MIPOL1: variants seen among roughly 807,000 people sequenced by gnomAD.
MIPOL1 encodes mirror-image polydactyly 1, also known as mirror-image polydactyly gene 1 protein.
In MIPOL1, 57 loss-of-function variants were observed where a neutral mutation model predicts 60.9. The ratio of observed to expected loss-of-function variants is 0.94; its 90% CI spans 0.76 to 1.17. MIPOL1 has a LOEUF of 1.17. Ranked by LOEUF, MIPOL1 falls within the 50% of genes most tolerant of loss-of-function variation. The pLI, the probability that MIPOL1 is intolerant of heterozygous loss-of-function variation, is 0.00. For missense variants in MIPOL1, 551 were observed against 511.6 expected, an observed-to-expected ratio of 1.08 and a Z score of -0.74; for synonymous variants, 179 against 168.8, an observed-to-expected ratio of 1.06 and a Z score of -0.47.
intron 10 of MIPOL1, among the ~76,000 whole-genome samples, chr14:37,386,881 A>G (rs984732834): frequency 6.6e-6 from 1 of 151,992 alleles, no homozygotes; most frequent in African/African-American, 2.4e-5. Flanking sequence ...GGCTACACAT[A>G]TATCTGTGTT....
At chr14:37,535,971 C>T (rs1653786558) in intron 12 of MIPOL1, among the ~76,000 whole-genome samples, 2 of 152,008 alleles carry the variant, frequency 1.3e-5, no homozygotes, top group Admixed American at 6.6e-5. Flanking sequence ...GTGGGACAGT[C>T]TCAGCTGACT....
At chr14:37,331,983 C>A (rs928486124) in intron 9 of MIPOL1, among the ~76,000 whole-genome samples, 2 of 151,992 alleles carry the variant, frequency 1.3e-5, no homozygotes, top group Admixed American at 1.3e-4. Flanking sequence ...ACTAAAAATA[C>A]AAAAATTAGC....
At position 37,462,969 on chromosome 14, in the gene MIPOL1, A is replaced by C. The variant is rs188417417; in HGVS notation, c.1032-36939A>C. Among the ~76,000 whole-genome samples, 238 of 152,290 alleles carry C rather than the reference A, an allele frequency of 1.6e-3. 1 individual carries two copies. The highest frequency in any genetic ancestry group is 3.4e-3 in the Middle Eastern group (1 of 294). Reference sequence around the variant, plus strand: ...GTTACCTTATTCCAAAGTCACTTCCACATTTTCGGGTATCTTTTCAGCAAT... The same window carrying C: ...GTTACCTTATTCCAAAGTCACTTCCCCATTTTCGGGTATCTTTTCAGCAAT... On this transcript the variant is annotated intron_variant, in intron 11 of 12. Coordinates refer to ENST00000684589, the MANE Select transcript of MIPOL1 (RefSeq NM_001388067.1).
intron 3 of MIPOL1, among the ~76,000 whole-genome samples, chr14:37,254,875 T>C (rs1974679812): frequency 6.6e-6 from 1 of 151,806 alleles, no homozygotes; most frequent in Non-Finnish European, 1.5e-5. Flanking sequence ...TCTGTTGGTA[T>C]GATCCTCTTT....
intron 12 of MIPOL1, among the ~76,000 whole-genome samples, chr14:37,528,502 T>C (rs887592768): frequency 6.6e-6 from 1 of 152,098 alleles, no homozygotes; most frequent in African/African-American, 2.4e-5. Flanking sequence ...TATAGAGATA[T>C]CCTTGAGGAA....
At chr14:37,240,598 T>C (rs764513918) in intron 1 of MIPOL1, 5 of 152,228 alleles carry the variant, frequency 3.3e-5, no homozygotes, top group Non-Finnish European at 7.3e-5. Flanking sequence ...TATATTCTGC[T>C]CTGTGCTAGA....
intron 1 of MIPOL1, among the ~76,000 whole-genome samples, chr14:37,201,078 A>AT (rs1965257951): frequency 1.3e-5 from 2 of 150,812 alleles, no homozygotes; most frequent in South Asian, 2.1e-4. Flanking sequence ...TAATTTTAAT[A>AT]TTTTTTTGTG....
chr14:37,539,427 A>G (rs1159835543), intron 12 of MIPOL1, among the ~76,000 whole-genome samples: 2 of 152,294 alleles, frequency 1.3e-5, no homozygotes, highest in Non-Finnish European at 2.9e-5. Context: ...GTCTAAGCCC[A>G]TAGTGAAACA....
chr14:37,298,702 C>T (rs1262295396), intron 7 of MIPOL1, among the ~76,000 whole-genome samples: 1 of 152,256 alleles, frequency 6.6e-6, no homozygotes, highest in Middle Eastern at 3.4e-3. Flanking sequence ...AAAAAATGCT[C>T]ATCATCACTG....
chr14:37,518,594 A>G (rs7145758), intron 12 of MIPOL1, among the ~76,000 whole-genome samples: 118,822 of 152,072 alleles, frequency 0.78, 46,884 homozygotes, highest in African/African-American at 0.89. Flanking sequence ...CTTGGCCTCC[A>G]AAAATGCTGG....
At chr14:37,295,786 G>C (rs1174557852) in intron 7 of MIPOL1, among the ~76,000 whole-genome samples, 4 of 152,152 alleles carry the variant, frequency 2.6e-5, no homozygotes, top group African/African-American at 9.7e-5. Flanking sequence ...CAATACAGGA[G>C]CACCCAGATT....
chr14:37,294,519 G>A (rs1031061273), intron 7 of MIPOL1, among the ~76,000 whole-genome samples: 19 of 152,242 alleles, frequency 1.2e-4, no homozygotes, highest in African/African-American at 3.1e-4. Flanking sequence ...CGAGCTAAAG[G>A]AGGAAGTTTG....
At chr14:37,308,598 G>A in intron 9 of MIPOL1, 79 bp downstream of exon 9, 2 of 1,066,076 alleles carry the variant, frequency 1.9e-6, no homozygotes, top group Non-Finnish European at 2.5e-6. Flanking sequence ...ACTGACTTTG[G>A]CCCAGATATT....
At chr14:37,315,405 G>A (rs1329868560) in intron 9 of MIPOL1, among the ~76,000 whole-genome samples, 5 of 152,206 alleles carry the variant, frequency 3.3e-5, no homozygotes, top group Admixed American at 3.3e-4. Flanking sequence ...GTAATGGTCA[G>A]GAGCAGATAT....
At chr14:37,247,022 C>G (rs1973298122) in intron 1 of MIPOL1, 81 bp from the exon 2 acceptor site, 1 of 152,316 alleles carries the variant, frequency 6.6e-6, no homozygotes, top group Non-Finnish European at 1.5e-5. Flanking sequence ...TTATTATTAA[C>G]CTTTTTGGGC....
At chr14:37,431,009 A>G (rs113817510) in intron 11 of MIPOL1, among the ~76,000 whole-genome samples, 150 of 152,322 alleles carry the variant, frequency 9.8e-4, no homozygotes, top group South Asian at 3.3e-3. Context: ...ACCTCCTTTT[A>G]AGAGCATTTA....
intron 10 of MIPOL1, among the ~76,000 whole-genome samples, chr14:37,378,890 C>A (rs2092848987): frequency 1.3e-5 from 2 of 152,008 alleles, no homozygotes; most frequent in Admixed American, 6.6e-5. Flanking sequence ...AAAACGGATC[C>A]TATTTACTAC....
chr14:37,336,130 G>A (rs1275826914), intron 9 of MIPOL1, among the ~76,000 whole-genome samples: 4 of 139,032 alleles, frequency 2.9e-5, no homozygotes, highest in African/African-American at 1.1e-4. Context: ...TTTTGCATGT[G>A]GATATTCAGT....
At chr14:37,219,817 G>A (rs1968437516) in intron 1 of MIPOL1, 1 of 150,764 alleles carries the variant, frequency 6.6e-6, no homozygotes, top group African/African-American at 2.4e-5. Context: ...TTTACCTCAG[G>A]TACTTTGATG....
Sources: gnomAD v4.1 joint callset for allele counts (sites outside exome capture counted in the v4.1 genomes callset) on GRCh38, gnomAD v4.1.1 for gene constraint, MANE v1.5 for transcripts, NCBI Gene and HGNC (gene_info 2026-07-23, HGNC 2026-07-21) for gene names.